The following CTDSPL2 variants were observed in gnomAD, a reference collection of about 807,000 sequenced individuals.
The protein encoded by CTDSPL2 is CTD small phosphatase-like protein 2.
In CTDSPL2, 5 loss-of-function variants were observed where a neutral mutation model predicts 60.0. The observed-to-expected ratio is 0.08, with a 90% confidence interval of 0.04 to 0.18. The LOEUF (loss-of-function observed/expected upper bound fraction) is 0.18. Ranked by LOEUF, CTDSPL2 falls within the 10% of genes least tolerant of loss-of-function variation. CTDSPL2 has a pLI of 1.00. For missense variants in CTDSPL2, 370 were observed against 548.8 expected (o/e 0.67, Z 3.26); for synonymous variants, 186 against 189.3 (o/e 0.98, Z 0.14).
Position 44,524,128 on chromosome 15 carries a change from A to G in CTDSPL2, c.1355A>G (p.His452Arg). ...LVELNEDVRP[H>R]IRDRFRLHDL... ...ACGCAGAATGAAGATGTTCGACCAC[A>G]CATCAGAGACAGATTTCGCTTGCAT... Residue 452 changes from histidine (H) to arginine (R), a missense_variant, in exon 13 of 13, where the codon CAC becomes CGC. Around this residue, in one of 6 missense-constraint regions of CTDSPL2, gnomAD observed 46 missense variants for 126.0 expected, o/e 0.37. Coordinates refer to ENST00000260327, the MANE Select transcript of CTDSPL2 (RefSeq NM_016396.3). 6.2e-7 allele frequency: 1 copy of G among 1,614,022 alleles called. No individual in the cohort carries two copies. The highest frequency in any genetic ancestry group is 8.5e-7 in the Non-Finnish European group (1 of 1,179,964).
intron 3 of CTDSPL2, among the ~76,000 whole-genome samples, chr15:44,484,737 C>G (rs1337711172): frequency 6.6e-6 from 1 of 152,084 alleles, no homozygotes; most frequent in East Asian, 1.9e-4. Flanking sequence ...GAGACTCTGT[C>G]TCAAAAACAA....
At chr15:44,484,932 TAAAC>T (rs1192703648) in intron 3 of CTDSPL2, among the ~76,000 whole-genome samples, 1 of 152,202 alleles carries the variant, frequency 6.6e-6, no homozygotes, top group Non-Finnish European at 1.5e-5. Context: ...AACATCTAAA[TAAAC>T]TCATTTCTTA....
intron 2 of CTDSPL2, among the ~76,000 whole-genome samples, chr15:44,461,398 AT>A (rs1011684032): frequency 9.3e-5 from 14 of 151,020 alleles, no homozygotes; most frequent in Admixed American, 6.0e-4. Context: ...CTGTATTCTA[AT>A]TTTTTTTTAG....
chr15:44,494,248 T>C (rs1212378519), intron 5 of CTDSPL2, among the ~76,000 whole-genome samples: 1 of 152,308 alleles, frequency 6.6e-6, no homozygotes, highest in South Asian at 2.1e-4. Flanking sequence ...GAATGAACTA[T>C]GGCATGCAAT....
chr15:44,438,851 C>T (rs1027986633), intron 1 of CTDSPL2, among the ~76,000 whole-genome samples: 3 of 152,132 alleles, frequency 2.0e-5, no homozygotes, highest in African/African-American at 7.2e-5. Context: ...ACCTGGGCTG[C>T]AGGCAAGTAG....
chr15:44,506,025 C>CTTTTTTTTTTTTTTTTTT (rs753896129), intron 8 of CTDSPL2, among the ~76,000 whole-genome samples: 26 of 117,578 alleles, frequency 2.2e-4, no homozygotes, highest in South Asian at 1.4e-3. Context: ...TCATTGGTAA[C>CTTTTTTTTTTTTTTTTTT]TTTTTTTTTT....
intron 2 of CTDSPL2, among the ~76,000 whole-genome samples, chr15:44,459,483 G>A (rs566103165): frequency 2.0e-5 from 3 of 152,158 alleles, no homozygotes; most frequent in African/African-American, 2.4e-5. Context: ...AGCCGAGATC[G>A]CACCACTGCA....
At chr15:44,433,288 C>T (rs117023550) in intron 1 of CTDSPL2, among the ~76,000 whole-genome samples, 3,858 of 144,792 alleles carry the variant, frequency 0.027, 87 homozygotes, top group East Asian at 0.1. Flanking sequence ...CATTGCACTC[C>T]AGTCTTCCAG....
chr15:44,474,630 CG>C (rs765601566), intron 2 of CTDSPL2, among the ~76,000 whole-genome samples: 6 of 151,832 alleles, frequency 4.0e-5, no homozygotes, highest in Non-Finnish European at 8.8e-5. Flanking sequence ...CTGAGGCAGG[CG>C]GATCACCTGA....
chr15:44,520,579 T>G (rs1006956526), intron 11 of CTDSPL2: 5 of 152,250 alleles, frequency 3.3e-5, no homozygotes, highest in African/African-American at 1.2e-4. Context: ...AGAAAACAAG[T>G]GAAAAGCTGT....
At chr15:44,472,340 A>G (rs923098428) in intron 2 of CTDSPL2, among the ~76,000 whole-genome samples, 1 of 152,192 alleles carries the variant, frequency 6.6e-6, no homozygotes, top group Non-Finnish European at 1.5e-5. Flanking sequence ...CTTGAGGACA[A>G]TCAACACTTG....
At chr15:44,486,136 G>A (rs2081114657) in intron 3 of CTDSPL2, among the ~76,000 whole-genome samples, 1 of 152,190 alleles carries the variant, frequency 6.6e-6, no homozygotes, top group Non-Finnish European at 1.5e-5. Flanking sequence ...TCATTCATTA[G>A]ATAGAAGCAG....
At chr15:44,437,904 G>A (rs577698411) in intron 1 of CTDSPL2, among the ~76,000 whole-genome samples, 2 of 152,268 alleles carry the variant, frequency 1.3e-5, no homozygotes, top group East Asian at 3.9e-4. Flanking sequence ...AAAGAATGAG[G>A]TAAAAAGAGC....
intron 1 of CTDSPL2, 77 bp from the exon 2 acceptor site, chr15:44,458,914 C>T: frequency 5.3e-6 from 5 of 935,366 alleles, no homozygotes; most frequent in Non-Finnish European, 7.4e-6. Flanking sequence ...ATTATATAAG[C>T]TGGGCACATT....
At chr15:44,511,002 G>C (rs983919033) in intron 8 of CTDSPL2, among the ~76,000 whole-genome samples, 1 of 152,122 alleles carries the variant, frequency 6.6e-6, no homozygotes. Flanking sequence ...TTCTGTTTCT[G>C]AGATTTTCCT....
intron 2 of CTDSPL2, among the ~76,000 whole-genome samples, chr15:44,468,770 T>C (rs2080747062): frequency 6.6e-6 from 1 of 152,206 alleles, no homozygotes; most frequent in Admixed American, 6.5e-5. Context: ...TTTAGTTACC[T>C]GTGGTTGCCA....
At chr15:44,487,927 A>T (rs556787630) in intron 4 of CTDSPL2, among the ~76,000 whole-genome samples, 1 of 152,178 alleles carries the variant, frequency 6.6e-6, no homozygotes, top group South Asian at 2.1e-4. Context: ...CAGCCTGACT[A>T]ACATGGTGAA....
intron 2 of CTDSPL2, among the ~76,000 whole-genome samples, chr15:44,463,908 G>T (rs1419519943): frequency 6.6e-6 from 1 of 152,160 alleles, no homozygotes; most frequent in Non-Finnish European, 1.5e-5. Flanking sequence ...CAGACTTAAT[G>T]AATTTAGGTA....
At chr15:44,457,899 A>G (rs1353506103) in intron 1 of CTDSPL2, among the ~76,000 whole-genome samples, 1 of 152,244 alleles carries the variant, frequency 6.6e-6, no homozygotes, top group Non-Finnish European at 1.5e-5. Flanking sequence ...GGTGTGAGCC[A>G]CTGCGTGCCC....
Sources: allele counts gnomAD v4.1 joint callset (sites outside exome capture counted in the v4.1 genomes callset), GRCh38; gene constraint gnomAD v4.1.1; regional missense constraint gnomAD v4.1.1; transcripts MANE v1.5; gene names NCBI Gene and HGNC (gene_info 2026-07-23, HGNC 2026-07-21).